BANK1: variants seen among roughly 807,000 people sequenced by gnomAD.
BANK1 encodes the protein B cell scaffold protein with ankyrin repeats 1, also known as B-cell scaffold protein with ankyrin repeats.
A neutral mutation model predicts 94.5 loss-of-function variants in BANK1; 95 were observed. The ratio of observed to expected loss-of-function variants is 1.00; its 90% CI spans 0.85 to 1.19. The LOEUF (loss-of-function observed/expected upper bound fraction) is 1.19, where lower values mean the gene tolerates loss of function less well. BANK1 is among the 50% of genes most tolerant of loss of function. The pLI, the probability that BANK1 is intolerant of heterozygous loss-of-function variation, is 0.00. For missense variants in BANK1, 987 were observed against 932.2 expected (o/e 1.06, Z -0.77); for synonymous variants, 334 against 308.4 (o/e 1.08, Z -0.87).
chr4:101,881,134 C>T (rs1728661412), intron 5 of BANK1, among the ~76,000 whole-genome samples: 1 of 151,984 alleles, frequency 6.6e-6, no homozygotes, highest in Non-Finnish European at 1.5e-5. Context: ...GGTGAAGAGA[C>T]TACTCACAGA....
chr4:101,818,793 A>G (rs1382982253), intron 1 of BANK1, among the ~76,000 whole-genome samples: 1 of 151,934 alleles, frequency 6.6e-6, no homozygotes, highest in African/African-American at 2.4e-5. Context: ...GTATATATAG[A>G]GTTCTATGCT....
chr4:102,015,445 A>G (rs1050235941), intron 7 of BANK1, among the ~76,000 whole-genome samples: 1 of 152,178 alleles, frequency 6.6e-6, no homozygotes, highest in African/African-American at 2.4e-5. Context: ...TCACCATTTT[A>G]TAGTTACATC....
In BANK1 at chr4:102,025,205, A is replaced by G. The variant is rs1727041371; in HGVS notation, c.1290A>G (p.Thr430=). The change falls in exon 9 of 17, where the codon ACA becomes ACG. Residue 430 remains threonine, a synonymous_variant. Coordinates refer to ENST00000322953, the MANE Select transcript of BANK1 (RefSeq NM_017935.5). ...TGCAATCTTCATCATAAACAGCCAC[A>G]CAGAACCCAGCATTTCATCATGAAA... ...IASFSTYIPS[T]QNPAFHHESR... is the part of the protein sequence containing the mutation. 1 of 1,613,946 alleles carries G rather than the reference A, an allele frequency of 6.2e-7. No homozygotes were observed. Among genetic ancestry groups the G allele is most frequent in the Non-Finnish European group, 8.5e-7 (1 of 1,179,806 alleles).
Position 102,072,449 on chromosome 4 carries a change from G to A in BANK1, c.2298+49G>A, listed in dbSNP as rs79707750. Reference sequence around the variant, plus strand: ...CTATAAAATGCAAAGAAATAACTTCGTTAAAAAAGAACATGAGAGCCTTCT... The same window carrying A: ...CTATAAAATGCAAAGAAATAACTTCATTAAAAAAGAACATGAGAGCCTTCT... On this transcript the variant is annotated intron_variant, in intron 15 of 16. Transcript: ENST00000322953. 62 of 1,390,112 alleles carry A rather than the reference G, an allele frequency of 4.5e-5. No homozygotes were observed. The East Asian group carries it at 6.2e-4, about 14-fold the overall frequency. 86.1% of individuals were successfully genotyped at this position (1,390,112 alleles called of 1,614,324 possible).
At chr4:101,876,596 A>G (rs1276800577) in intron 5 of BANK1, among the ~76,000 whole-genome samples, 1 of 152,200 alleles carries the variant, frequency 6.6e-6, no homozygotes, top group South Asian at 2.1e-4. Flanking sequence ...ACAAGCCCAG[A>G]TTGAGAAGGC....
intron 13 of BANK1, among the ~76,000 whole-genome samples, chr4:102,066,382 G>A (rs1259456990): frequency 2.7e-5 from 4 of 150,492 alleles, no homozygotes; most frequent in African/African-American, 7.3e-5. Context: ...TCAGCCTCCC[G>A]AGTAGCTGAG....
At chr4:101,924,002 G>T (rs1309921919) in intron 7 of BANK1, among the ~76,000 whole-genome samples, 1 of 151,628 alleles carries the variant, frequency 6.6e-6, no homozygotes, top group African/African-American at 2.4e-5. Context: ...CGGTATTTTT[G>T]CCTACTCATA....
chr4:101,875,419 G>A (rs912760254), intron 5 of BANK1, among the ~76,000 whole-genome samples: 1 of 152,270 alleles, frequency 6.6e-6, no homozygotes, highest in East Asian at 1.9e-4. Context: ...TCTTGTGGCG[G>A]GAGAGGCCTC....
intron 12 of BANK1, chr4:102,062,834 C>T: frequency 2.4e-6 from 1 of 423,504 alleles, no homozygotes; most frequent in Non-Finnish European, 4.4e-6. Flanking sequence ...GTTACTGTAC[C>T]TCTCTGTACC....
In BANK1 at chr4:102,025,233, A is replaced by G. The variant is rs758390898; in HGVS notation, c.1318A>G (p.Arg440Gly). The change falls in exon 9 of 17, where the codon AGG becomes GGG. Residue 440 changes from arginine (R) to glycine (G), a missense_variant. Arg to Gly is a moderately radical substitution (Grantham distance 125). Coordinates refer to ENST00000322953, the MANE Select transcript of BANK1 (RefSeq NM_017935.5). Reference sequence around the variant, plus strand: ...GAACCCAGCATTTCATCATGAAAGCAGGAAGACATACGGGCAGAGTGCAGA... The same window carrying G: ...GAACCCAGCATTTCATCATGAAAGCGGGAAGACATACGGGCAGAGTGCAGA... ...TQNPAFHHES[R>G]KTYGQSADGA... is the part of the protein sequence containing the mutation. The G allele has an allele frequency of 1.2e-6, 2 of 1,614,230 alleles. No homozygotes were observed. Among genetic ancestry groups the G allele is most frequent in the South Asian group, 2.2e-5 (2 of 91,088 alleles).
At chr4:102,071,596 G>C (rs1670572782) in intron 14 of BANK1, among the ~76,000 whole-genome samples, 1 of 152,186 alleles carries the variant, frequency 6.6e-6, no homozygotes, top group Non-Finnish European at 1.5e-5. Context: ...CTTACGCTCT[G>C]TGGGCCTCGG....
intron 6 of BANK1, among the ~76,000 whole-genome samples, chr4:101,914,702 C>T (rs1410688341): frequency 6.6e-6 from 1 of 152,142 alleles, no homozygotes; most frequent in Non-Finnish European, 1.5e-5. Flanking sequence ...TTAATATACA[C>T]TGTTGATTCA....
intron 1 of BANK1, among the ~76,000 whole-genome samples, chr4:101,803,719 C>T (rs993267575): frequency 2.0e-5 from 3 of 151,832 alleles, no homozygotes; most frequent in Non-Finnish European, 2.9e-5. Flanking sequence ...ATAAAAAGGC[C>T]GGGCGCGGTG....
chr4:101,933,251 A>G (rs1430884669), intron 7 of BANK1, among the ~76,000 whole-genome samples: 2 of 148,162 alleles, frequency 1.3e-5, no homozygotes, highest in Non-Finnish European at 3.0e-5. Context: ...TTAGAGTTTT[A>G]TTTATGTTGG....
intron 7 of BANK1, among the ~76,000 whole-genome samples, chr4:101,950,079 G>A (rs1724097632): frequency 1.3e-5 from 2 of 151,536 alleles, no homozygotes; most frequent in African/African-American, 4.8e-5. Flanking sequence ...GCGCGCATGT[G>A]CCTACACAAA....
At chr4:101,975,672 C>T (rs1308762166) in intron 7 of BANK1, among the ~76,000 whole-genome samples, 1 of 152,154 alleles carries the variant, frequency 6.6e-6, no homozygotes, top group Admixed American at 6.6e-5. Context: ...CTAGCAATAA[C>T]ACTCAATGTT....
At chr4:101,973,167 G>C (rs1725011840) in intron 7 of BANK1, among the ~76,000 whole-genome samples, 1 of 151,940 alleles carries the variant, frequency 6.6e-6, no homozygotes, top group African/African-American at 2.4e-5. Context: ...CACAACCAAT[G>C]TCAAGTATTT....
intron 2 of BANK1, among the ~76,000 whole-genome samples, chr4:101,840,592 G>C (rs1411353952): frequency 6.6e-6 from 1 of 152,148 alleles, no homozygotes; most frequent in East Asian, 1.9e-4. Flanking sequence ...CAGATAACTA[G>C]CCTAAGCCCA....
At chr4:101,850,897 TG>T (rs1254621528) in intron 2 of BANK1, among the ~76,000 whole-genome samples, 2 of 152,160 alleles carry the variant, frequency 1.3e-5, no homozygotes, top group Admixed American at 1.3e-4. Context: ...CTTCACTGAC[TG>T]GGTATTCCCC....
Sources: allele counts gnomAD v4.1 joint callset (sites outside exome capture counted in the v4.1 genomes callset), GRCh38; gene constraint gnomAD v4.1.1; transcripts MANE v1.5; gene names NCBI Gene and HGNC (gene_info 2026-07-23, HGNC 2026-07-21).